DPP10: variants seen among roughly 807,000 people sequenced by gnomAD.
DPP10 encodes the protein dipeptidyl peptidase like 10.
DPP10 carries 33 observed loss-of-function variants against 120.9 expected under a neutral mutation model. The observed-to-expected ratio is 0.27, with a 90% CI of 0.21 to 0.37. DPP10 has a LOEUF of 0.37. DPP10 is among the 10% of genes least tolerant of loss of function. The probability of loss-of-function intolerance (pLI) is 1.00; values close to 1 mark genes in which losing one functional copy is unlikely to be tolerated. For missense variants in DPP10, 816 were observed against 942.8 expected (o/e 0.87, Z 1.76); for synonymous variants, 337 against 326.1 (o/e 1.03, Z -0.36).
At chr2:114,834,576 A>AG in intron 1 of DPP10, among the ~76,000 whole-genome samples, 2 of 145,170 alleles carry the variant, frequency 1.4e-5, no homozygotes, top group African/African-American at 2.5e-5. Context: ...TGTATATATA[A>AG]GCCATATCTA....
chr2:114,850,987 ATAGT>A (rs1349862377), intron 1 of DPP10, among the ~76,000 whole-genome samples: 4 of 152,168 alleles, frequency 2.6e-5, no homozygotes, highest in South Asian at 2.1e-4. Context: ...ACCATTTATA[ATAGT>A]TAGAACAAGA....
intron 1 of DPP10, among the ~76,000 whole-genome samples, chr2:114,713,710 G>A (rs138064824): frequency 6.4e-4 from 98 of 152,246 alleles, no homozygotes; most frequent in Non-Finnish European, 1.2e-3. Flanking sequence ...TACAAATTTG[G>A]CTGGGCGCAG....
At chr2:114,658,644 A>T (rs1170888612) in intron 1 of DPP10, among the ~76,000 whole-genome samples, 1 of 152,140 alleles carries the variant, frequency 6.6e-6, no homozygotes, top group Admixed American at 6.6e-5. Context: ...CACATATAAG[A>T]CTGCAAAGCG....
At chr2:115,613,099 A>C (rs967752201) in intron 5 of DPP10, among the ~76,000 whole-genome samples, 1 of 152,214 alleles carries the variant, frequency 6.6e-6, no homozygotes, top group East Asian at 1.9e-4. Flanking sequence ...ATTCTACTAC[A>C]TAACATGCAG....
intron 1 of DPP10, among the ~76,000 whole-genome samples, chr2:115,006,801 C>A (rs1479841387): frequency 1.3e-5 from 2 of 151,866 alleles, no homozygotes; most frequent in African/African-American, 4.8e-5. Flanking sequence ...CAACATTAGA[C>A]AGATCAATGA....
At position 115,842,784 on chromosome 2, in the gene DPP10, A is replaced by G. The variant is rs189827799; in HGVS notation, c.*439A>G. The G allele has an allele frequency of 6.5e-6, 1 of 153,346 alleles. No homozygotes were observed. The highest frequency in any genetic ancestry group is 1.9e-4 in the East Asian group (1 of 5,194). 9.5% of individuals were successfully genotyped at this position (153,346 alleles called of 1,614,324 possible). ...TAACACTTTACTGTACCTTTATAAT[A>G]AGTGCAATTCTTTCATTGTCTATTA... On this transcript the variant is annotated 3_prime_UTR_variant, in exon 26 of 26. Transcript: ENST00000410059.
intron 1 of DPP10, among the ~76,000 whole-genome samples, chr2:115,060,257 T>C (rs962540112): frequency 3.3e-5 from 5 of 150,536 alleles, no homozygotes; most frequent in African/African-American, 1.2e-4. Flanking sequence ...ATATATAATA[T>C]ATGCATGTGA....
rs1008544562 is a variant in DPP10 at position 115,588,588 on chromosome 2, G to T, written c.441+62616G>T. Among the ~76,000 whole-genome samples the T allele has an allele frequency of 2.0e-5, 3 of 152,180 alleles. No individual in the cohort carries two copies. In the East Asian group the frequency reaches 5.8e-4, roughly 29 times the overall value. ...CTGCATACCTGGGGCATGCCACATG[G>T]AATCATGTGTTGCACACACAGGAAA... is the stretch of plus-strand genomic sequence containing the variant. On this transcript the variant is annotated intron_variant, in intron 5 of 25. Coordinates refer to ENST00000410059, the MANE Select transcript of DPP10 (RefSeq NM_020868.6).
At chr2:115,642,375 C>T (rs1220423873) in intron 5 of DPP10, among the ~76,000 whole-genome samples, 2 of 152,106 alleles carry the variant, frequency 1.3e-5, no homozygotes, top group African/African-American at 4.8e-5. Context: ...TGGGTGGGCT[C>T]ATCCATTAGT....
chr2:114,449,668 C>T (rs1320098021), intron 1 of DPP10, among the ~76,000 whole-genome samples: 1 of 151,886 alleles, frequency 6.6e-6, no homozygotes, highest in African/African-American at 2.4e-5. Flanking sequence ...AGGATTTCTC[C>T]CCCACTAACA....
In DPP10 at chr2:115,088,768, A is replaced by AAAAAAAAAC. The variant is rs775985067; in HGVS notation, c.61-220470_61-220469insAAAAAAACA. Reference sequence around the variant, plus strand: ...TGCCTGACAAAAAAAAAAAAAAAAAAACCAAAAAACAAAAAAAACCTTAAA... The same window carrying AAAAAAAAAC: ...TGCCTGACAAAAAAAAAAAAAAAAAAAAAAAAAACACCAAAAAACAAAAAAAACCTTAAA... On this transcript the variant is annotated intron_variant, in intron 1 of 25. Coordinates refer to ENST00000410059, the MANE Select transcript of DPP10 (RefSeq NM_020868.6). Among the ~76,000 whole-genome samples, 235 of 134,838 alleles carry AAAAAAAAAC rather than the reference A, an allele frequency of 1.7e-3. 5 individuals carry two copies. The highest frequency in any genetic ancestry group is 2.3e-3 in the African/African-American group (89 of 38,190). The allele number at this position is 134,838 out of a possible 152,430, so 88.5% of individuals were successfully genotyped here. A position where few individuals can be genotyped will look rare whatever the true frequency, so the allele number is the denominator to read the frequency against.
At chr2:115,150,159 A>G (rs993290848) in intron 1 of DPP10, among the ~76,000 whole-genome samples, 9 of 152,228 alleles carry the variant, frequency 5.9e-5, no homozygotes, top group African/African-American at 1.9e-4. Flanking sequence ...AAAGCTGTCC[A>G]ACGGAGGATT....
intron 18 of DPP10, 50 bp downstream of exon 18, chr2:115,791,229 T>G: frequency 6.2e-7 from 1 of 1,606,046 alleles, no homozygotes; most frequent in Non-Finnish European, 8.5e-7. Context: ...TCTCTGCGTC[T>G]TATAGTTTTA....
At chr2:115,245,690 T>C (rs1037632067) in intron 1 of DPP10, among the ~76,000 whole-genome samples, 3 of 152,158 alleles carry the variant, frequency 2.0e-5, no homozygotes, top group African/African-American at 7.2e-5. Context: ...TGCATGTTTA[T>C]ACCATTGCTT....
intron 1 of DPP10, among the ~76,000 whole-genome samples, chr2:115,038,282 A>ATTTT (rs1291730827): frequency 1.6e-4 from 24 of 150,898 alleles, no homozygotes; most frequent in African/African-American, 5.4e-4. Context: ...TTATTTATTT[A>ATTTT]TTTTTTGAGA....
chr2:115,192,038 TTC>T (rs2054920446), intron 1 of DPP10, among the ~76,000 whole-genome samples: 1 of 152,168 alleles, frequency 6.6e-6, no homozygotes, highest in Non-Finnish European at 1.5e-5. Context: ...TAATAGGCCT[TTC>T]TACTTTCCCT....
At chr2:115,273,086 A>G (rs1384120535) in intron 1 of DPP10, among the ~76,000 whole-genome samples, 1 of 152,208 alleles carries the variant, frequency 6.6e-6, no homozygotes, top group Non-Finnish European at 1.5e-5. Context: ...AGAGAGAGAC[A>G]GAGGGACAAA....
At chr2:115,033,531 G>T (rs529433332) in intron 1 of DPP10, among the ~76,000 whole-genome samples, 1 of 152,008 alleles carries the variant, frequency 6.6e-6, no homozygotes, top group Non-Finnish European at 1.5e-5. Flanking sequence ...ATGGTCACTT[G>T]GCCTCCATTT....
chr2:115,336,372 T>C (rs370775976), intron 2 of DPP10, among the ~76,000 whole-genome samples: 3 of 152,062 alleles, frequency 2.0e-5, no homozygotes, highest in East Asian at 3.9e-4. Flanking sequence ...CAATACCTTG[T>C]AACTATTTAA....
Sources: gnomAD v4.1 joint callset for allele counts (sites outside exome capture counted in the v4.1 genomes callset) on GRCh38, gnomAD v4.1.1 for gene constraint, MANE v1.5 for transcripts, NCBI Gene and HGNC (gene_info 2026-07-23, HGNC 2026-07-21) for gene names.